NLGN4X: variants seen among roughly 807,000 people sequenced by gnomAD.
NLGN4X encodes neuroligin-4, X-linked.
In NLGN4X, 3 loss-of-function variants were observed where a neutral mutation model predicts 40.3. The ratio of observed to expected loss-of-function variants is 0.07; its 90% CI spans 0.03 to 0.19. NLGN4X has a LOEUF of 0.19. Ranked by LOEUF, NLGN4X falls within the 10% of genes least tolerant of loss-of-function variation. The pLI, the probability that NLGN4X is intolerant of heterozygous loss-of-function variation, is 1.00. For missense variants in NLGN4X, 382 were observed against 708.3 expected, an observed-to-expected ratio of 0.54 and a Z score of 5.23; for synonymous variants, 270 against 306.8, an observed-to-expected ratio of 0.88 and a Z score of 1.25.
At chrX:6,005,184 T>G (rs1332265258) in intron 3 of NLGN4X, among the ~76,000 whole-genome samples, 1 of 112,338 alleles carries the variant, frequency 8.9e-6, no homozygotes, top group Non-Finnish European at 1.9e-5. Context: ...AGGCAGTGAA[T>G]GGGGATTCTG....
chrX:6,183,525 C>A (rs1182681394), intron 1 of NLGN4X, among the ~76,000 whole-genome samples: 1 of 106,620 alleles, frequency 9.4e-6, no homozygotes. Flanking sequence ...CCAGCCTGGA[C>A]GAGAGAGCAA....
chrX:6,027,482 T>C (rs948583513), intron 3 of NLGN4X, among the ~76,000 whole-genome samples: 1 of 112,001 alleles, frequency 8.9e-6, no homozygotes, highest in African/African-American at 3.2e-5. Flanking sequence ...ACCTGGAATT[T>C]TGAGTTCTTT....
intron 3 of NLGN4X, among the ~76,000 whole-genome samples, chrX:5,974,584 C>T (rs2035121291): frequency 9.0e-6 from 1 of 111,719 alleles, no homozygotes. Context: ...GGCATGCCAA[C>T]TCAAATTTGC....
chrX:6,159,754 C>T (rs1602340507), intron 1 of NLGN4X, among the ~76,000 whole-genome samples: 2 of 111,832 alleles, frequency 1.8e-5, no homozygotes, highest in Non-Finnish European at 3.8e-5. Context: ...ACCACTAAGA[C>T]GCTCTGACAT....
intron 2 of NLGN4X, among the ~76,000 whole-genome samples, 164 bp downstream of exon 2, chrX:6,150,831 T>C (rs1426146046): frequency 1.8e-5 from 2 of 112,027 alleles, no homozygotes; most frequent in African/African-American, 6.5e-5. Context: ...GTGGAACATG[T>C]GGTAAGTTGC....
At chrX:6,114,625 T>C (rs6639595) in intron 2 of NLGN4X, among the ~76,000 whole-genome samples, 4,485 of 110,944 alleles carry the variant, frequency 0.04, 253 homozygotes, top group African/African-American at 0.14. Flanking sequence ...TTTACTTTTC[T>C]CCTTTATTAT....
At chrX:5,908,948 C>T (rs2032341849) in intron 4 of NLGN4X, 106 bp downstream of exon 4, 1 of 904,340 alleles carries the variant, frequency 1.1e-6, no homozygotes, top group Non-Finnish European at 1.5e-6. Flanking sequence ...TTTCTGTTGC[C>T]AGAGTGACTT....
chrX:6,151,680 T>A lies in NLGN4X; in HGVS notation c.-214A>T. The A allele has an allele frequency of 2.3e-6, 1 of 434,167 alleles. No homozygotes were observed. Among genetic ancestry groups the A allele is most frequent in the Non-Finnish European group, 4.0e-6 (1 of 248,810 alleles). 35.8% of individuals were successfully genotyped at this position (434,167 alleles called of 1,213,427 possible). A position where few individuals can be genotyped will look rare whatever the true frequency, so the allele number is the denominator to read the frequency against. On this transcript the variant is annotated 5_prime_UTR_variant, in exon 2 of 6. Transcript: ENST00000381095. ...CAAGGAGGCAGCCCTCCCTTAATCC[T>A]GAAACTGGATTCCAGCAACTGCAAT...
intron 3 of NLGN4X, among the ~76,000 whole-genome samples, chrX:6,013,270 T>C (rs1009514894): frequency 9.0e-6 from 1 of 111,111 alleles, no homozygotes. Context: ...CAGGTATACA[T>C]AGATATTTCG....
At chrX:6,018,597 A>G (rs918895642) in intron 3 of NLGN4X, among the ~76,000 whole-genome samples, 1 of 111,209 alleles carries the variant, frequency 9.0e-6, no homozygotes, top group Non-Finnish European at 1.9e-5. Context: ...AGTAGCTGAG[A>G]CTACAGGCAT....
intron 1 of NLGN4X, among the ~76,000 whole-genome samples, chrX:6,198,940 T>A (rs894499700): frequency 1.8e-5 from 2 of 112,081 alleles, no homozygotes; most frequent in Non-Finnish European, 3.8e-5. Flanking sequence ...GATTTTTAAG[T>A]TAAAAAGAAG....
intron 1 of NLGN4X, among the ~76,000 whole-genome samples, chrX:6,170,154 G>A (rs147145164): frequency 0.013 from 1,414 of 110,693 alleles, 30 homozygotes; most frequent in African/African-American, 0.044. Flanking sequence ...ACACAGGCAC[G>A]CTATGTTGCC....
chrX:5,960,298 A>T (rs1288313636), intron 3 of NLGN4X, among the ~76,000 whole-genome samples: 1 of 109,581 alleles, frequency 9.1e-6, no homozygotes, highest in Admixed American at 9.8e-5. Flanking sequence ...TGTGCAAATG[A>T]ATAAATGTGT....
chrX:6,173,689 C>T lies in NLGN4X; in HGVS notation c.-305-21918G>A, dbSNP rs945390439. Among the ~76,000 whole-genome samples, 13 of 112,219 alleles carry T rather than the reference C, an allele frequency of 1.2e-4. 1 individual carries two copies. Among genetic ancestry groups the T allele is most frequent in the Admixed American group, 6.6e-4 (7 of 10,537 alleles). On this transcript the variant is annotated intron_variant, in intron 1 of 5. Transcript: ENST00000381095. ...TTTAGATCAGGCCCTTTTTGTCCAA[C>T]CCTATTTCTACTGGGTTGTCCACAG...
intron 2 of NLGN4X, among the ~76,000 whole-genome samples, chrX:6,047,796 G>A (rs754048094): frequency 8.9e-5 from 10 of 111,845 alleles, no homozygotes; most frequent in Non-Finnish European, 1.1e-4. Context: ...GAGGTAGGTG[G>A]TCCCTGTGTC....
intron 1 of NLGN4X, among the ~76,000 whole-genome samples, chrX:6,183,688 A>T (rs1271282304): frequency 8.9e-6 from 1 of 112,599 alleles, no homozygotes; most frequent in Non-Finnish European, 1.9e-5. Context: ...AAGGATAATT[A>T]GATTAAATAG....
intron 2 of NLGN4X, among the ~76,000 whole-genome samples, chrX:6,038,588 A>T (rs2037079801): frequency 8.9e-6 from 1 of 112,819 alleles, no homozygotes; most frequent in Non-Finnish European, 1.9e-5. Context: ...CAGTTTCTGC[A>T]TTTGAAAGAA....
At chrX:5,978,751 A>C (rs111664029) in intron 3 of NLGN4X, among the ~76,000 whole-genome samples, 7,543 of 111,653 alleles carry the variant, frequency 0.068, 631 homozygotes, top group African/African-American at 0.23. Context: ...ATACAGTATA[A>C]TAAATGTTGA....
intron 1 of NLGN4X, among the ~76,000 whole-genome samples, chrX:6,162,177 A>G (rs1362354600): frequency 8.9e-6 from 1 of 112,137 alleles, no homozygotes; most frequent in African/African-American, 3.2e-5. Flanking sequence ...TCTGGGAGGT[A>G]GTATGGGGCA....
Sources: allele counts gnomAD v4.1 joint callset (sites outside exome capture counted in the v4.1 genomes callset), GRCh38; gene constraint gnomAD v4.1.1; transcripts MANE v1.5; gene names NCBI Gene and HGNC (gene_info 2026-07-23, HGNC 2026-07-21).